The following ACOT7 variants were observed in gnomAD, a reference collection of about 807,000 sequenced individuals.
ACOT7 encodes acyl-CoA thioesterase 7.
In ACOT7, 12 loss-of-function variants were observed where a neutral mutation model predicts 40.2. That is an observed-to-expected ratio of 0.30 (90% CI 0.19 to 0.48). The LOEUF (loss-of-function observed/expected upper bound fraction) is 0.48. Ranked by LOEUF, ACOT7 falls within the 20% of genes least tolerant of loss-of-function variation. ACOT7 has a pLI of 0.99. For missense variants in ACOT7, 395 were observed against 530.8 expected (o/e 0.74, Z 2.51); for synonymous variants, 228 against 219.5 (o/e 1.04, Z -0.34).
intron 1 of ACOT7, among the ~76,000 whole-genome samples, chr1:6,363,623 C>G (rs2148468218): frequency 6.6e-6 from 1 of 152,312 alleles, no homozygotes; most frequent in African/African-American, 2.4e-5. Context: ...CTCTCCCTCT[C>G]TCTCTGCCTT....
chr1:6,375,778 T>C (rs1244014529), intron 1 of ACOT7, among the ~76,000 whole-genome samples: 1 of 148,960 alleles, frequency 6.7e-6, no homozygotes, highest in East Asian at 2.0e-4. Flanking sequence ...CTACTAAAAA[T>C]ACAAAAAAAA....
At chr1:6,320,505 T>C (rs1640615459) in intron 5 of ACOT7, among the ~76,000 whole-genome samples, 1 of 152,178 alleles carries the variant, frequency 6.6e-6, no homozygotes, top group South Asian at 2.1e-4. Flanking sequence ...TTCAGGCCCC[T>C]TTGGTCCCGT....
At chr1:6,309,061 C>T (rs1640258808) in intron 6 of ACOT7, among the ~76,000 whole-genome samples, 1 of 152,258 alleles carries the variant, frequency 6.6e-6, no homozygotes. Flanking sequence ...CTTTCATTTA[C>T]TCCCTTGACC....
chr1:6,377,466 T>A (rs1047485295), intron 1 of ACOT7, among the ~76,000 whole-genome samples: 4 of 152,182 alleles, frequency 2.6e-5, no homozygotes, highest in African/African-American at 9.7e-5. Context: ...TGGATATGGG[T>A]GAATTAAGAA....
chr1:6,344,757 C>G (rs1223348747), intron 2 of ACOT7, among the ~76,000 whole-genome samples: 1 of 105,172 alleles, frequency 9.5e-6, no homozygotes, highest in African/African-American at 4.0e-5. Context: ...GAGCAAGACT[C>G]TGTCTCAAAA....
chr1:6,382,758 A>T (rs555990074), intron 1 of ACOT7, among the ~76,000 whole-genome samples: 22 of 151,938 alleles, frequency 1.4e-4, no homozygotes, highest in African/African-American at 4.8e-4. Context: ...AGTGACCGAG[A>T]CTGCACCACC....
chr1:6,305,233 CGGGCCGGGCGGG>C (rs1176634569), intron 6 of ACOT7, among the ~76,000 whole-genome samples: 1 of 148,818 alleles, frequency 6.7e-6, no homozygotes, highest in Non-Finnish European at 1.5e-5. Flanking sequence ...GACGGGGCGG[CGGGCCGGGCGGG>C]GGGCTGACCC....
At chr1:6,326,207 T>C (rs868365914) in intron 5 of ACOT7, among the ~76,000 whole-genome samples, 23 of 152,318 alleles carry the variant, frequency 1.5e-4, no homozygotes, top group Middle Eastern at 3.4e-3. Flanking sequence ...CTCCTGCCAC[T>C]ACGACAACAT....
chr1:6,322,453 G>A (rs1287346947), intron 5 of ACOT7, among the ~76,000 whole-genome samples: 1 of 152,232 alleles, frequency 6.6e-6, no homozygotes, highest in Non-Finnish European at 1.5e-5. Context: ...GAGTGTACCC[G>A]TGTGCTGGGG....
At chr1:6,363,583 C>A (rs1317547191) in intron 1 of ACOT7, among the ~76,000 whole-genome samples, 5 of 152,130 alleles carry the variant, frequency 3.3e-5, no homozygotes, top group Admixed American at 3.3e-4. Context: ...CCCTGATATG[C>A]AGAAATAATG....
chr1:6,338,221 AT>A lies in ACOT7; in HGVS notation c.418+1211del, dbSNP rs757934774. On this transcript the variant is annotated intron_variant, in intron 3 of 8. Coordinates refer to ENST00000361521, the MANE Select transcript of ACOT7 (RefSeq NM_007274.4). The surrounding 1 kb of genome is among the most constrained non-coding windows in gnomAD (Gnocchi z 4.4). ...AGGAAGCAGGAGAGCGCGGCAGGCC[AT>A]CCCTCCTCTCCAGGAAGGGGCCAAG... Among the ~76,000 whole-genome samples, 7 of 152,122 alleles carry A rather than the reference AT, an allele frequency of 4.6e-5. No homozygotes were observed. The highest frequency in any genetic ancestry group is 1.0e-4 in the Non-Finnish European group (7 of 68,008).
intron 2 of ACOT7, among the ~76,000 whole-genome samples, chr1:6,348,835 G>A (rs1020919257): frequency 2.6e-5 from 4 of 152,182 alleles, no homozygotes; most frequent in Non-Finnish European, 1.5e-5. Flanking sequence ...CAGTGCCTCC[G>A]CTGGTCCCTG....
intron 1 of ACOT7, chr1:6,360,872 AAC>A (rs1351915889): frequency 2.0e-6 from 1 of 494,514 alleles, no homozygotes; most frequent in Non-Finnish European, 2.6e-6. Context: ...CTTCCACAGC[AAC>A]ACAGATTCAA....
chr1:6,339,552 G>T lies in ACOT7; in HGVS notation c.299C>A (p.Thr100Asn). 1 of 1,613,544 alleles carries T rather than the reference G, an allele frequency of 6.2e-7. No homozygotes were observed. The highest frequency in any genetic ancestry group is 2.2e-5 in the East Asian group (1 of 44,880). Reference sequence around the variant, plus strand: ...GATGCACATGGGAGACAGGAAGTCGGTGCGCTCGACACGAGCCAGGGCGGC... The same window carrying T: ...GATGCACATGGGAGACAGGAAGTCGTTGCGCTCGACACGAGCCAGGGCGGC... ...CVAALARVER[T>N]DFLSPMCIGE... Residue 100 changes from threonine to asparagine, a missense_variant, in exon 3 of 9, where the codon ACC becomes AAC. Thr to Asn is a moderately conservative substitution (Grantham distance 65). Transcript: ENST00000361521.
Position 6,306,914 on chromosome 1 carries a change from T to C in ACOT7, c.712+11578A>G. The C allele has an allele frequency of 7.8e-7, 1 of 1,289,140 alleles. No homozygotes were observed. Among genetic ancestry groups the C allele is most frequent in the South Asian group, 1.2e-5 (1 of 81,012 alleles). The allele number at this position is 1,289,140 out of a possible 1,614,324, so 79.9% of individuals were successfully genotyped here. A position where few individuals can be genotyped will look rare whatever the true frequency, so the allele number is the denominator to read the frequency against. On this transcript the variant is annotated intron_variant, in intron 6 of 8. Coordinates refer to ENST00000361521, the MANE Select transcript of ACOT7 (RefSeq NM_007274.4). The surrounding 1 kb of genome is among the most constrained non-coding windows in gnomAD (Gnocchi z 4.3). ...GTGCAAAAGATTGTTTTTTCACAAC[T>C]GCCCCAAGAAGACCAAGTGAACAAG... is the stretch of plus-strand genomic sequence containing the variant.
intron 2 of ACOT7, among the ~76,000 whole-genome samples, chr1:6,343,685 C>G (rs1641339927): frequency 6.6e-6 from 1 of 152,272 alleles, no homozygotes; most frequent in African/African-American, 2.4e-5. Context: ...CTGGGCAGGG[C>G]AATGCCCATC....
intron 6 of ACOT7, among the ~76,000 whole-genome samples, chr1:6,309,640 G>A (rs560495922): frequency 6.6e-6 from 1 of 151,978 alleles, no homozygotes; most frequent in South Asian, 2.1e-4. Context: ...TTTTTCTTTG[G>A]CCGGCAGTTA....
intron 7 of ACOT7, 115 bp from the exon 8 acceptor site, chr1:6,281,401 GCTGA>G: frequency 1.2e-6 from 1 of 837,514 alleles, no homozygotes; most frequent in Non-Finnish European, 2.0e-6. Flanking sequence ...CAGTGGCTTG[GCTGA>G]CTACCAGATG....
intron 7 of ACOT7, among the ~76,000 whole-genome samples, chr1:6,290,900 G>A (rs911766356): frequency 6.6e-6 from 1 of 152,150 alleles, no homozygotes; most frequent in Non-Finnish European, 1.5e-5. Flanking sequence ...TCAAAAGTGG[G>A]GGGCCCCTGG....
Sources: gnomAD v4.1 joint callset for allele counts (sites outside exome capture counted in the v4.1 genomes callset) on GRCh38, gnomAD v4.1.1 for gene constraint, Gnocchi (gnomAD v3.1) non-coding constraint, MANE v1.5 for transcripts, NCBI Gene and HGNC (gene_info 2026-07-23, HGNC 2026-07-21) for gene names.